TRNP1: variants seen among roughly 807,000 people sequenced by gnomAD.
TRNP1 encodes the protein TMF1 regulated nuclear protein 1, also known as TMF-regulated nuclear protein 1.
Under a neutral mutation model 12.2 loss-of-function variants are expected in TRNP1, and 16 were observed. That is an observed-to-expected ratio of 1.31 (90% confidence interval 0.89 to 1.99). TRNP1 has a LOEUF of 1.99. Among genes scored for constraint, TRNP1 ranks in the 30% most tolerant of loss-of-function variants. The probability of loss-of-function intolerance (pLI) is 0.00; values close to 1 mark genes in which losing one functional copy is unlikely to be tolerated. For missense variants in TRNP1, 338 were observed against 330.4 expected, an observed-to-expected ratio of 1.02 and a Z score of -0.18; for synonymous variants, 139 against 166.2, an observed-to-expected ratio of 0.84 and a Z score of 1.26.
chr1:26,996,782 A>T (rs547571472), intron 1 of TRNP1, among the ~76,000 whole-genome samples: 3 of 147,452 alleles, frequency 2.0e-5, no homozygotes, highest in African/African-American at 8.0e-5. Context: ...ATTAGAGACG[A>T]CACTGGCTAG....
chr1:26,994,095 G>A lies in TRNP1; in HGVS notation c.309G>A (p.Leu103=). ...AAGAGGRALE[L]AEARRRLLEV... Reference sequence around the variant, plus strand: ...GGGCGGGGGGCCGCGCGCTGGAGCTGGCCGAAGCACGGCGGCGGCTGCTGG... The same window carrying A: ...GGGCGGGGGGCCGCGCGCTGGAGCTAGCCGAAGCACGGCGGCGGCTGCTGG... Residue 103 remains leucine (L), a synonymous_variant, in exon 1 of 2, where the codon CTG becomes CTA. Transcript: ENST00000522111. The surrounding 1 kb of genome is among the most constrained non-coding windows in gnomAD (Gnocchi z 6.9). The A allele has an allele frequency of 8.2e-7, 1 of 1,219,376 alleles. No individual in the cohort carries two copies. Among genetic ancestry groups the A allele is most frequent in the Non-Finnish European group, 1.0e-6 (1 of 981,360 alleles). The allele number at this position is 1,219,376 out of a possible 1,614,324, so 75.5% of individuals were successfully genotyped here. A position where few individuals can be genotyped will look rare whatever the true frequency, so the allele number is the denominator to read the frequency against.
rs1312566973 is a variant in TRNP1 at position 26,994,383 on chromosome 1, C to G, written c.597C>G (p.Ala199=). Residue 199 remains alanine, a synonymous_variant, in exon 1 of 2, where the codon GCC becomes GCG. Coordinates refer to ENST00000522111, the MANE Select transcript of TRNP1 (RefSeq NM_001013642.3). The surrounding 1 kb of genome is among the most constrained non-coding windows in gnomAD (Gnocchi z 6.9). ...LGLGGCVPWG[A]GRLRRGHGPE... ...TGGGCGGCTGCGTGCCCTGGGGTGC[C>G]GGGCGACTGCGGCGCGGCCACGGCC... 1.8e-6 allele frequency: 2 copies of G among 1,106,624 alleles called. No homozygotes were observed. The highest frequency in any genetic ancestry group is 2.2e-6 in the Non-Finnish European group (2 of 909,032). 68.6% of individuals were successfully genotyped at this position (1,106,624 alleles called of 1,614,324 possible). A position where few individuals can be genotyped will look rare whatever the true frequency, so the allele number is the denominator to read the frequency against.
chr1:26,997,318 G>GAAAA (rs3028529), intron 1 of TRNP1, among the ~76,000 whole-genome samples: 4 of 81,798 alleles, frequency 4.9e-5, no homozygotes, highest in South Asian at 4.3e-4. Flanking sequence ...TGTGTCTCAA[G>GAAAA]AAAAAAAAAA....
rs970201100 is a variant in TRNP1 at position 26,993,728 on chromosome 1, G to A, written c.-59G>A. 1 of 1,269,858 alleles carries A rather than the reference G, an allele frequency of 7.9e-7. No individual in the cohort carries two copies. Among genetic ancestry groups the A allele is most frequent in the African/African-American group, 1.6e-5 (1 of 63,864 alleles). 78.7% of individuals were successfully genotyped at this position (1,269,858 alleles called of 1,614,324 possible). ...TGTGGCCGTGTCTAGCTGTTCGGGT[G>A]TGCTGTGGTCATCCTCCCTGCGCAC... On this transcript the variant is annotated 5_prime_UTR_variant, in exon 1 of 2. It adds an upstream start codon to the 5' untranslated region. Coordinates refer to ENST00000522111, the MANE Select transcript of TRNP1 (RefSeq NM_001013642.3).
chr1:26,994,121 A>G lies in TRNP1; in HGVS notation c.335A>G (p.Glu112Gly). 1.6e-6 allele frequency: 2 copies of G among 1,227,286 alleles called. No individual in the cohort carries two copies. Among genetic ancestry groups the G allele is most frequent in the Non-Finnish European group, 1.0e-6 (1 of 984,100 alleles). 76.0% of individuals were successfully genotyped at this position (1,227,286 alleles called of 1,614,324 possible). A position where few individuals can be genotyped will look rare whatever the true frequency, so the allele number is the denominator to read the frequency against. ...ELAEARRRLL[E>G]VEGRRRLVSE... ...GCCGAAGCACGGCGGCGGCTGCTGG[A>G]GGTGGAGGGCCGCCGGCGCCTGGTG... Residue 112 changes from glutamate to glycine, a missense_variant, in exon 1 of 2, where the codon GAG becomes GGG. Transcript: ENST00000522111. This position sits in a 1 kb window ranked among gnomAD's most constrained non-coding sequence, Gnocchi z 6.9.
In TRNP1 at chr1:26,993,707, G is replaced by T; in HGVS notation, c.-80G>T. On this transcript the variant is annotated 5_prime_UTR_variant, in exon 1 of 2. Transcript: ENST00000522111. ...GCGCGCCTCTGGGGTGGGGGCTGTG[G>T]CCGTGTCTAGCTGTTCGGGTGTGCT... The T allele has an allele frequency of 8.1e-7, 1 of 1,237,288 alleles. No homozygotes were observed. Among genetic ancestry groups the T allele is most frequent in the Non-Finnish European group, 1.0e-6 (1 of 990,520 alleles). The allele number at this position is 1,237,288 out of a possible 1,614,324, so 76.6% of individuals were successfully genotyped here.
rs1279816114 is a variant in TRNP1 at position 26,994,440 on chromosome 1, GC to G, written c.658del (p.Arg220AlafsTer86). 8.5e-7 allele frequency: 1 copy of G among 1,172,608 alleles called. No homozygotes were observed. The highest frequency in any genetic ancestry group is 1.1e-6 in the Non-Finnish European group (1 of 950,016). 72.6% of individuals were successfully genotyped at this position (1,172,608 alleles called of 1,614,324 possible). On this transcript the variant is annotated frameshift_variant, in exon 1 of 2. Coordinates refer to ENST00000522111, the MANE Select transcript of TRNP1 (RefSeq NM_001013642.3). LOFTEE classifies it high-confidence loss of function. This position sits in a 1 kb window ranked among gnomAD's most constrained non-coding sequence, Gnocchi z 6.9. Reference protein sequence around the residue: ...EPDSPFRRSPPRGPASPQR With the variant: ...EPDSPFRRSPXRGPASPQR ...CCGACTCGCCCTTCCGCCGCAGCCC[GC>G]CCCGCGGCCCCGCCTCCCCGCAGCG... is the stretch of plus-strand genomic sequence containing the variant.
chr1:26,994,181 G>A lies in TRNP1; in HGVS notation c.395G>A (p.Arg132His), dbSNP rs1397363390. ...GAGAGCCGCGTGCTGCAGCTGCACC[G>A]CGTTTTCTTGGCGGCCGAGCTGCGC... ...ELESRVLQLH[R>H]VFLAAELRLA... The change falls in exon 1 of 2, where the codon CGC (arginine) becomes CAC (histidine). Residue 132 changes from arginine (R) to histidine (H), a missense_variant. Coordinates refer to ENST00000522111, the MANE Select transcript of TRNP1 (RefSeq NM_001013642.3). The surrounding 1 kb of genome is among the most constrained non-coding windows in gnomAD (Gnocchi z 6.9). 2.3e-6 allele frequency: 3 copies of A among 1,299,702 alleles called. No individual in the cohort carries two copies. The highest frequency in any genetic ancestry group is 2.9e-6 in the Non-Finnish European group (3 of 1,019,172). 80.5% of individuals were successfully genotyped at this position (1,299,702 alleles called of 1,614,324 possible). A position where few individuals can be genotyped will look rare whatever the true frequency, so the allele number is the denominator to read the frequency against.
rs1383384099 is a variant in TRNP1 at position 26,994,379 on chromosome 1, G to A, written c.593G>A (p.Gly198Asp). The change falls in exon 1 of 2, where the codon GGT becomes GAT. Residue 198 changes from glycine (G) to aspartate (D), a missense_variant. Transcript: ENST00000522111. The surrounding 1 kb of genome is among the most constrained non-coding windows in gnomAD (Gnocchi z 6.9). ...GGCCTGGGCGGCTGCGTGCCCTGGGGTGCCGGGCGACTGCGGCGCGGCCAC... is the reference window on the plus strand; with the variant it reads ...GGCCTGGGCGGCTGCGTGCCCTGGGATGCCGGGCGACTGCGGCGCGGCCAC... ...ALGLGGCVPWGAGRLRRGHGP... is the reference protein window; with the variant it reads ...ALGLGGCVPWDAGRLRRGHGP... 5 of 1,104,016 alleles carry A rather than the reference G, an allele frequency of 4.5e-6. No individual in the cohort carries two copies. Among genetic ancestry groups the A allele is most frequent in the African/African-American group, 1.7e-5 (1 of 59,838 alleles). The allele number at this position is 1,104,016 out of a possible 1,614,324, so 68.4% of individuals were successfully genotyped here. A position where few individuals can be genotyped will look rare whatever the true frequency, so the allele number is the denominator to read the frequency against.
At chr1:26,999,243 G>T (rs540601833) in intron 1 of TRNP1, among the ~76,000 whole-genome samples, 3 of 152,288 alleles carry the variant, frequency 2.0e-5, no homozygotes, top group Non-Finnish European at 4.4e-5. Flanking sequence ...AATTAGCCGG[G>T]CGTGGTGGCA....
intron 1 of TRNP1, among the ~76,000 whole-genome samples, chr1:26,997,346 C>T (rs968199079): frequency 5.4e-5 from 8 of 147,302 alleles, no homozygotes; most frequent in Non-Finnish European, 9.0e-5. Flanking sequence ...AAAAAGCTCA[C>T]CCGTCTGCCT....
chr1:26,999,527 G>A (rs2082562194), intron 1 of TRNP1, among the ~76,000 whole-genome samples: 1 of 152,216 alleles, frequency 6.6e-6, no homozygotes, highest in Non-Finnish European at 1.5e-5. Flanking sequence ...GTGGGCCTCT[G>A]CTTCTCTAGA....
intron 1 of TRNP1, among the ~76,000 whole-genome samples, chr1:26,997,801 A>C (rs2124195163): frequency 6.6e-6 from 1 of 152,224 alleles, no homozygotes; most frequent in Admixed American, 6.5e-5. Flanking sequence ...TAACCATGTG[A>C]GCGTTGCCAC....
At chr1:26,998,229 AG>A (rs1415430706) in intron 1 of TRNP1, among the ~76,000 whole-genome samples, 1 of 96,846 alleles carries the variant, frequency 1.0e-5, no homozygotes, top group Admixed American at 8.8e-5. Flanking sequence ...TGAAAAAAAA[AG>A]GGGGGAGCAA....
Position 26,994,072 on chromosome 1 carries a change from G to T in TRNP1, c.286G>T (p.Ala96Ser). ...PGGGSGAAAG[A>S]GGRALELAEA... Reference sequence around the variant, plus strand: ...AGGGGGCTCTGGCGCGGCTGCGGGGGCGGGGGGCCGCGCGCTGGAGCTGGC... The same window carrying T: ...AGGGGGCTCTGGCGCGGCTGCGGGGTCGGGGGGCCGCGCGCTGGAGCTGGC... The change falls in exon 1 of 2, where the codon GCG (alanine) becomes TCG (serine). Residue 96 changes from alanine (A) to serine (S), a missense_variant. Transcript: ENST00000522111. This position sits in a 1 kb window ranked among gnomAD's most constrained non-coding sequence, Gnocchi z 6.9. 1.6e-6 allele frequency: 2 copies of T among 1,217,288 alleles called. No individual in the cohort carries two copies. The highest frequency in any genetic ancestry group is 2.0e-6 in the Non-Finnish European group (2 of 979,852). 75.4% of individuals were successfully genotyped at this position (1,217,288 alleles called of 1,614,324 possible).
chr1:26,995,744 C>T (rs759315313), intron 1 of TRNP1, among the ~76,000 whole-genome samples: 2 of 152,242 alleles, frequency 1.3e-5, no homozygotes, highest in African/African-American at 2.4e-5. Context: ...GATTCTCCTG[C>T]CTCAGCCTCC....
intron 1 of TRNP1, among the ~76,000 whole-genome samples, chr1:26,995,195 A>G (rs2082539532): frequency 6.6e-6 from 1 of 152,216 alleles, no homozygotes; most frequent in South Asian, 2.1e-4. Flanking sequence ...CGCAAAAATT[A>G]CAGCCTGACT....
At position 26,993,809 on chromosome 1, in the gene TRNP1, C is replaced by T; in HGVS notation, c.23C>T (p.Ala8Val). 7.6e-7 allele frequency: 1 copy of T among 1,322,850 alleles called. No homozygotes were observed. Among genetic ancestry groups the T allele is most frequent in the Non-Finnish European group, 9.6e-7 (1 of 1,039,294 alleles). The allele number at this position is 1,322,850 out of a possible 1,614,324, so 81.9% of individuals were successfully genotyped here. Residue 8 changes from alanine (A) to valine (V), a missense_variant, in exon 1 of 2, where the codon GCC (alanine) becomes GTC (valine). Ala to Val is a moderately conservative substitution (Grantham distance 64, BLOSUM62 0). Transcript: ENST00000522111. ...GGGATGCCGGGCTGCCGCATCAGCG[C>T]CTGCGGCCCGGGGGCCCAGGAGGGG... is the stretch of plus-strand genomic sequence containing the variant. The part of the protein sequence containing the change: MPGCRIS[A>V]CGPGAQEGTA...
At chr1:26,996,805 T>TGG (rs1050558764) in intron 1 of TRNP1, among the ~76,000 whole-genome samples, 1 of 151,936 alleles carries the variant, frequency 6.6e-6, no homozygotes, top group Non-Finnish European at 1.5e-5. Flanking sequence ...TGTGTGTGTG[T>TGG]GTGAAGTAGA....
Sources: allele counts gnomAD v4.1 joint callset (sites outside exome capture counted in the v4.1 genomes callset), GRCh38; gene constraint gnomAD v4.1.1; non-coding constraint Gnocchi (gnomAD v3.1); transcripts MANE v1.5; gene names NCBI Gene and HGNC (gene_info 2026-07-23, HGNC 2026-07-21).